FRYL: variants seen among roughly 807,000 people sequenced by gnomAD.
FRYL encodes protein furry homolog-like.
Under a neutral mutation model 351.2 loss-of-function variants are expected in FRYL, and 150 were observed. That is an observed-to-expected ratio of 0.43 (90% CI 0.37 to 0.49). The LOEUF (loss-of-function observed/expected upper bound fraction) is 0.49. FRYL is among the 20% of genes least tolerant of loss of function. The probability of loss-of-function intolerance (pLI) is 0.00; values close to 1 mark genes in which losing one functional copy is unlikely to be tolerated. For synonymous variants in FRYL, 1,153 were observed against 1,257.1 expected (o/e 0.92, Z 1.75); for missense variants, 3,036 against 3,619.3 (o/e 0.84, Z 4.13).
intron 3 of FRYL, among the ~76,000 whole-genome samples, chr4:48,636,311 T>C (rs1056793541): frequency 4.6e-5 from 7 of 152,114 alleles, no homozygotes; most frequent in African/African-American, 1.7e-4. Context: ...AGTACCATAA[T>C]TTAACTTAAG....
intron 3 of FRYL, among the ~76,000 whole-genome samples, chr4:48,661,484 A>T (rs951122915): frequency 6.6e-5 from 10 of 152,310 alleles, no homozygotes; most frequent in African/African-American, 2.4e-4. Context: ...TTAAATACTG[A>T]GGGCATTCTG....
chr4:48,598,056 T>A (rs184451702), intron 13 of FRYL, among the ~76,000 whole-genome samples: 182 of 152,314 alleles, frequency 1.2e-3, no homozygotes, highest in African/African-American at 4.1e-3. Flanking sequence ...TTTTAATGTT[T>A]CTTCTCTTTT....
rs1226244483 is a variant in FRYL, at chr4:48,579,253, G to A, written c.2260-12C>T. 3.8e-6 allele frequency: 6 copies of A among 1,562,130 alleles called. No individual in the cohort carries two copies. Among genetic ancestry groups the A allele is most frequent in the Non-Finnish European group, 5.2e-6 (6 of 1,157,838 alleles). ...TAGAGCAAAGTAGTCTATATGGAGA[G>A]GAAAAAATTGATTATTACACATTTC... is the stretch of plus-strand genomic sequence containing the variant. On this transcript the variant is annotated splice_polypyrimidine_tract_variant and intron_variant, in intron 22 of 63. Coordinates refer to ENST00000358350, the MANE Select transcript of FRYL (RefSeq NM_015030.2).
chr4:48,665,247 C>T (rs1761506151), intron 3 of FRYL, among the ~76,000 whole-genome samples: 1 of 152,154 alleles, frequency 6.6e-6, no homozygotes, highest in Admixed American at 6.5e-5. Context: ...ATATTTCACA[C>T]ATTTAAAAAA....
chr4:48,613,029 A>G (rs1748570399), intron 7 of FRYL, among the ~76,000 whole-genome samples: 1 of 152,234 alleles, frequency 6.6e-6, no homozygotes, highest in Non-Finnish European at 1.5e-5. Flanking sequence ...GCTTGGGACC[A>G]GAAGTGTTTT....
chr4:48,690,467 T>G (rs1456139705), intron 2 of FRYL, among the ~76,000 whole-genome samples: 1 of 152,246 alleles, frequency 6.6e-6, no homozygotes, highest in Admixed American at 6.5e-5. Context: ...TAAGTTAAAA[T>G]GCTCTTCTCC....
chr4:48,498,701 A>G lies in FRYL; in HGVS notation c.*721T>C, dbSNP rs1055806674. ...ACATTTACATACTATGAAGAGTTAG[A>G]TCTAATAAAATAACATTTCTTCAAA... On this transcript the variant is annotated 3_prime_UTR_variant, in exon 64 of 64. Coordinates refer to ENST00000358350, the MANE Select transcript of FRYL (RefSeq NM_015030.2). 6.6e-6 allele frequency: 1 copy of G among 152,568 alleles called. No homozygotes were observed. The highest frequency in any genetic ancestry group is 1.5e-5 in the Non-Finnish European group (1 of 68,028). The allele number at this position is 152,568 out of a possible 1,614,324, so 9.5% of individuals were successfully genotyped here.
At chr4:48,625,833 A>G (rs914721053) in intron 4 of FRYL, among the ~76,000 whole-genome samples, 2 of 152,188 alleles carry the variant, frequency 1.3e-5, no homozygotes, top group Non-Finnish European at 2.9e-5. Context: ...TAAATTAGAG[A>G]ATAACAGATA....
intron 7 of FRYL, among the ~76,000 whole-genome samples, chr4:48,616,245 A>C (rs1216913514): frequency 6.6e-6 from 1 of 152,008 alleles, no homozygotes; most frequent in Non-Finnish European, 1.5e-5. Flanking sequence ...TGGCCATTTC[A>C]CCTAATGTAT....
chr4:48,763,749 A>C (rs1464503958), intron 1 of FRYL, among the ~76,000 whole-genome samples: 1 of 152,230 alleles, frequency 6.6e-6, no homozygotes, highest in Non-Finnish European at 1.5e-5. Flanking sequence ...ACCCACTCTT[A>C]CTACTTCCAC....
chr4:48,551,191 T>C (rs1423845553), intron 37 of FRYL, among the ~76,000 whole-genome samples: 1 of 152,224 alleles, frequency 6.6e-6, no homozygotes, highest in African/African-American at 2.4e-5. Context: ...TAAAATAATA[T>C]TCTGGCATAC....
chr4:48,570,843 C>T lies in FRYL; in HGVS notation c.2980G>A (p.Gly994Ser). The T allele has an allele frequency of 1.9e-6, 3 of 1,612,580 alleles. No homozygotes were observed. The highest frequency in any genetic ancestry group is 1.7e-6 in the Non-Finnish European group (2 of 1,178,652). ...VRIFELLADA[G>S]VISHSASGGL... ...AATACTGACCTGTGACTAATGACAC[C>T]AGCATCTGCCAGCAGTTCAAATATT... is the stretch of plus-strand genomic sequence containing the variant. Residue 994 changes from glycine (G) to serine (S), a missense_variant, in exon 27 of 64, where the codon GGT becomes AGT. Gly to Ser is a moderately conservative substitution (Grantham distance 56, BLOSUM62 0). This residue lies in a region of FRYL where 492 missense variants were observed against 551.5 expected (regional missense o/e 0.89). Coordinates refer to ENST00000358350, the MANE Select transcript of FRYL (RefSeq NM_015030.2).
intron 51 of FRYL, 51 bp downstream of exon 51, chr4:48,528,124 A>C (rs1268735519): frequency 1.3e-6 from 2 of 1,578,748 alleles, no homozygotes; most frequent in Non-Finnish European, 1.7e-6. Flanking sequence ...ACCTATAACA[A>C]AACTGATTCT....
intron 60 of FRYL, 61 bp from the exon 61 acceptor site, chr4:48,502,906 T>C: frequency 7.2e-7 from 1 of 1,387,248 alleles, no homozygotes; most frequent in Non-Finnish European, 1.0e-6. Context: ...CAAGAATTAG[T>C]GTAAGAAATC....
At chr4:48,577,124 T>C (rs569349870) in intron 23 of FRYL, among the ~76,000 whole-genome samples, 2 of 152,200 alleles carry the variant, frequency 1.3e-5, no homozygotes, top group Non-Finnish European at 2.9e-5. Flanking sequence ...CACAATACTA[T>C]ACATTTGAAT....
At chr4:48,763,377 G>A (rs191239975) in intron 1 of FRYL, among the ~76,000 whole-genome samples, 16 of 152,126 alleles carry the variant, frequency 1.1e-4, no homozygotes, top group African/African-American at 2.7e-4. Context: ...CAGGAGGATC[G>A]CTTGATCCCA....
intron 32 of FRYL, among the ~76,000 whole-genome samples, chr4:48,561,841 C>T (rs536634149): frequency 3.3e-5 from 5 of 152,182 alleles, no homozygotes; most frequent in African/African-American, 1.2e-4. Context: ...ATAGCAGGAC[C>T]TCATCTCTAC....
intron 62 of FRYL, among the ~76,000 whole-genome samples, chr4:48,501,146 T>C (rs1215845438): frequency 6.8e-6 from 1 of 146,024 alleles, no homozygotes; most frequent in South Asian, 2.2e-4. Flanking sequence ...GGGAGGGGGG[T>C]TGATGATACA....
chr4:48,646,542 C>T (rs1354146806), intron 3 of FRYL, among the ~76,000 whole-genome samples: 1 of 152,152 alleles, frequency 6.6e-6, no homozygotes, highest in African/African-American at 2.4e-5. Context: ...AAAGACATGA[C>T]CCATTCTCAT....
Sources: allele counts gnomAD v4.1 joint callset (sites outside exome capture counted in the v4.1 genomes callset), GRCh38; gene constraint gnomAD v4.1.1; regional missense constraint gnomAD v4.1.1; transcripts MANE v1.5; gene names NCBI Gene and HGNC (gene_info 2026-07-23, HGNC 2026-07-21).